The following NOL10 variants were observed in gnomAD, a reference collection of about 807,000 sequenced individuals.
NOL10 encodes nucleolar protein 10.
In NOL10, 58 loss-of-function variants were observed where a neutral mutation model predicts 103.5. That is an observed-to-expected ratio of 0.56 (90% CI 0.45 to 0.70). The LOEUF (loss-of-function observed/expected upper bound fraction) is 0.70, where lower values mean the gene tolerates loss of function less well. NOL10 is among the 30% of genes least tolerant of loss of function. The probability of loss-of-function intolerance (pLI) is 0.00; values close to 1 mark genes in which losing one functional copy is unlikely to be tolerated. For synonymous variants in NOL10, 287 were observed against 282.5 expected (o/e 1.02, Z -0.16); for missense variants, 763 against 807.3 (o/e 0.95, Z 0.67).
chr2:10,659,150 T>C (rs1458155856), intron 10 of NOL10, 22 bp downstream of exon 10: 3 of 1,533,504 alleles, frequency 2.0e-6, no homozygotes, highest in Non-Finnish European at 2.7e-6. Flanking sequence ...TTACATGTGG[T>C]TTCCAAATTA....
intron 13 of NOL10, among the ~76,000 whole-genome samples, chr2:10,634,353 G>A (rs1392057258): frequency 6.6e-6 from 1 of 152,188 alleles, no homozygotes; most frequent in Non-Finnish European, 1.5e-5. Context: ...AGGAAACAAG[G>A]ATGGCTCCTG....
intron 13 of NOL10, chr2:10,622,173 AG>A (rs1677185796): frequency 3.1e-6 from 1 of 319,110 alleles, no homozygotes; most frequent in African/African-American, 1.2e-4. Context: ...GATGGTAAAC[AG>A]TTAACACAGG....
intron 13 of NOL10, among the ~76,000 whole-genome samples, chr2:10,617,440 A>G (rs1367092596): frequency 6.6e-6 from 1 of 152,238 alleles, no homozygotes; most frequent in Non-Finnish European, 1.5e-5. Context: ...GTCACACGTT[A>G]GAAAGAAATC....
At chr2:10,645,665 C>G (rs952518751) in intron 12 of NOL10, among the ~76,000 whole-genome samples, 3 of 151,562 alleles carry the variant, frequency 2.0e-5, no homozygotes, top group Non-Finnish European at 2.9e-5. Flanking sequence ...TCCCGAGTAG[C>G]TGGGACTACA....
At chr2:10,651,034 G>T (rs2148296999) in intron 12 of NOL10, among the ~76,000 whole-genome samples, 1 of 152,256 alleles carries the variant, frequency 6.6e-6, no homozygotes, top group East Asian at 1.9e-4. Context: ...CACACCCTTT[G>T]TGGGTTAAGA....
chr2:10,601,007 T>C (rs1675946178), intron 16 of NOL10, 65 bp from the exon 17 acceptor site: 7 of 962,500 alleles, frequency 7.3e-6, no homozygotes, highest in Non-Finnish European at 1.1e-5. Context: ...ACATATTAGC[T>C]TAAAGGTAAA....
chr2:10,600,332 A>G (rs1281894157), intron 17 of NOL10, among the ~76,000 whole-genome samples: 1 of 152,246 alleles, frequency 6.6e-6, no homozygotes, highest in Non-Finnish European at 1.5e-5. Flanking sequence ...GGTGGAAGTT[A>G]CACTTCAGCC....
intron 11 of NOL10, among the ~76,000 whole-genome samples, 175 bp from the exon 12 acceptor site, chr2:10,654,722 C>CA (rs1679708952): frequency 6.6e-6 from 1 of 151,870 alleles, no homozygotes; most frequent in East Asian, 1.9e-4. Flanking sequence ...ATCAATTTAT[C>CA]AAAAAATCCC....
At chr2:10,608,373 A>G (rs1212846768) in intron 13 of NOL10, among the ~76,000 whole-genome samples, 1 of 152,218 alleles carries the variant, frequency 6.6e-6, no homozygotes, top group Non-Finnish European at 1.5e-5. Flanking sequence ...CTTTCATAAA[A>G]TACTATGATC....
intron 12 of NOL10, among the ~76,000 whole-genome samples, chr2:10,652,210 A>G (rs1679513957): frequency 6.6e-6 from 1 of 151,482 alleles, no homozygotes; most frequent in South Asian, 2.1e-4. Flanking sequence ...ACTGCACTCC[A>G]GCCTGGGGGA....
chr2:10,572,033 G>A lies in NOL10; in HGVS notation c.*38C>T, dbSNP rs762509042. The A allele has an allele frequency of 1.3e-5, 21 of 1,610,390 alleles. No individual in the cohort carries two copies. Among genetic ancestry groups the A allele is most frequent in the African/African-American group, 4.0e-5 (3 of 74,788 alleles). ...TAACGATGATCAGTTTGGGGGAGAC[G>A]TACCCCTCCCTAATCACAGGTAGGA... is the stretch of plus-strand genomic sequence containing the variant. On this transcript the variant is annotated 3_prime_UTR_variant, in exon 21 of 21. Transcript: ENST00000381685.
At chr2:10,600,314 G>C (rs1046339903) in intron 17 of NOL10, among the ~76,000 whole-genome samples, 42 of 152,140 alleles carry the variant, frequency 2.8e-4, no homozygotes, top group African/African-American at 9.4e-4. Context: ...CATTAATAAA[G>C]GAAAGCAGGT....
At chr2:10,653,013 T>A (rs1679580021) in intron 12 of NOL10, among the ~76,000 whole-genome samples, 1 of 152,016 alleles carries the variant, frequency 6.6e-6, no homozygotes, top group Non-Finnish European at 1.5e-5. Flanking sequence ...CTGGCCAACA[T>A]GGCGGAACCC....
At chr2:10,619,237 C>T (rs1056104184) in intron 13 of NOL10, among the ~76,000 whole-genome samples, 3 of 151,842 alleles carry the variant, frequency 2.0e-5, no homozygotes, top group Non-Finnish European at 4.4e-5. Context: ...GCCTTGATCA[C>T]GGGCTTAAGC....
intron 19 of NOL10, among the ~76,000 whole-genome samples, chr2:10,579,568 T>TC (rs1355418181): frequency 7.3e-6 from 1 of 137,236 alleles, no homozygotes; most frequent in Non-Finnish European, 1.7e-5. Context: ...AGCTTTTTTT[T>TC]TTTTTTTCCG....
At chr2:10,612,529 G>C (rs1175603776) in intron 13 of NOL10, among the ~76,000 whole-genome samples, 3 of 151,964 alleles carry the variant, frequency 2.0e-5, no homozygotes, top group Non-Finnish European at 4.4e-5. Flanking sequence ...TTGAGACACA[G>C]TCTCCATCCG....
chr2:10,619,803 T>C (rs1455308832), intron 13 of NOL10, among the ~76,000 whole-genome samples: 2 of 152,240 alleles, frequency 1.3e-5, no homozygotes, highest in Non-Finnish European at 2.9e-5. Context: ...AGCCTGGCCT[T>C]GCACCTCGGC....
chr2:10,580,840 T>C (rs1674712281), intron 19 of NOL10, among the ~76,000 whole-genome samples: 1 of 152,052 alleles, frequency 6.6e-6, no homozygotes, highest in Non-Finnish European at 1.5e-5. Context: ...GTCATATTCA[T>C]AAAGGCATGT....
At chr2:10,659,339 A>T (rs1680034580) in intron 9 of NOL10, 89 bp from the exon 10 acceptor site, 3 of 152,240 alleles carry the variant, frequency 2.0e-5, no homozygotes, top group Non-Finnish European at 3.1e-5. Flanking sequence ...CTTCAAATCT[A>T]ATGGGGGGGG....
Sources: allele counts gnomAD v4.1 joint callset (sites outside exome capture counted in the v4.1 genomes callset), GRCh38; gene constraint gnomAD v4.1.1; transcripts MANE v1.5; gene names NCBI Gene and HGNC (gene_info 2026-07-23, HGNC 2026-07-21).